Variants in SORCS3 observed in about 807,000 individuals in gnomAD.
SORCS3 encodes the protein VPS10 domain-containing receptor SorCS3.
SORCS3 carries 57 observed loss-of-function variants against 146.3 expected under a neutral mutation model. The observed-to-expected ratio is 0.39, with a 90% CI of 0.31 to 0.49. The LOEUF is 0.49. SORCS3 is among the 20% of genes least tolerant of loss of function. The pLI, the probability that SORCS3 is intolerant of heterozygous loss-of-function variation, is 0.92. For missense variants in SORCS3, 1,341 were observed against 1,575.5 expected, an observed-to-expected ratio of 0.85 and a Z score of 2.52; for synonymous variants, 653 against 618.5, an observed-to-expected ratio of 1.06 and a Z score of -0.83.
At chr10:104,761,254 C>A (rs760577664) in intron 1 of SORCS3, among the ~76,000 whole-genome samples, 24 of 152,146 alleles carry the variant, frequency 1.6e-4, no homozygotes, top group Admixed American at 3.3e-4. Context: ...ACTACAGTGG[C>A]ATTTTAATGG....
intron 8 of SORCS3, among the ~76,000 whole-genome samples, chr10:105,146,454 A>T (rs1458516075): frequency 6.6e-6 from 1 of 152,094 alleles, no homozygotes. Context: ...TCAGTATGTA[A>T]GTGGCGGACC....
chr10:105,037,442 G>A (rs1334138112), intron 4 of SORCS3, among the ~76,000 whole-genome samples: 1 of 152,090 alleles, frequency 6.6e-6, no homozygotes, highest in Non-Finnish European at 1.5e-5. Flanking sequence ...GGCAGGTGGG[G>A]GCTATGCTCC....
intron 1 of SORCS3, among the ~76,000 whole-genome samples, chr10:104,677,255 T>C (rs1487890354): frequency 6.6e-6 from 1 of 152,236 alleles, no homozygotes; most frequent in Non-Finnish European, 1.5e-5. Context: ...TGCTCCCCTG[T>C]TGCCTGAGCT....
Position 104,893,398 on chromosome 10 carries a change from G to A in SORCS3, c.696-22435G>A, listed in dbSNP as rs1373799899. Among the ~76,000 whole-genome samples, 4 of 152,286 alleles carry A rather than the reference G, an allele frequency of 2.6e-5. No individual in the cohort carries two copies. In the East Asian group the frequency reaches 7.7e-4, roughly 29 times the overall value. On this transcript the variant is annotated intron_variant, in intron 2 of 26. Transcript: ENST00000369701. ...CTCATTCTGAGTATAGAATGACCAA[G>A]AACAATGGCCTCTTCTGTCCACTCC...
chr10:104,664,959 C>G (rs756702571), intron 1 of SORCS3: 1 of 152,682 alleles, frequency 6.5e-6, no homozygotes, highest in East Asian at 1.9e-4. Flanking sequence ...GGAGGACATT[C>G]CTGGTCAAGG....
chr10:105,019,649 T>A (rs368505786), intron 4 of SORCS3, among the ~76,000 whole-genome samples: 11 of 152,336 alleles, frequency 7.2e-5, no homozygotes, highest in Admixed American at 3.9e-4. Context: ...GCGTGGCTAT[T>A]TATCAAGTGT....
At chr10:104,966,108 C>T (rs2054824965) in intron 3 of SORCS3, among the ~76,000 whole-genome samples, 1 of 151,880 alleles carries the variant, frequency 6.6e-6, no homozygotes, top group South Asian at 2.1e-4. Context: ...TGTGTTTTGT[C>T]ACATGTTTTA....
intron 1 of SORCS3, among the ~76,000 whole-genome samples, chr10:104,743,026 C>T (rs1335686091): frequency 6.6e-6 from 1 of 152,102 alleles, no homozygotes; most frequent in Non-Finnish European, 1.5e-5. Context: ...TATGCATTAC[C>T]TTTTAAAAAA....
chr10:105,174,315 CT>C (rs2056382385), intron 13 of SORCS3, among the ~76,000 whole-genome samples: 1 of 152,096 alleles, frequency 6.6e-6, no homozygotes, highest in African/African-American at 2.4e-5. Flanking sequence ...GTTCCTTTGT[CT>C]TGGCCATTAA....
At chr10:105,117,353 A>G (rs1230059200) in intron 7 of SORCS3, among the ~76,000 whole-genome samples, 1 of 152,162 alleles carries the variant, frequency 6.6e-6, no homozygotes, top group East Asian at 1.9e-4. Flanking sequence ...AATGACTCTC[A>G]AATATTTCTT....
At chr10:104,684,992 A>G (rs895734519) in intron 1 of SORCS3, among the ~76,000 whole-genome samples, 1 of 151,272 alleles carries the variant, frequency 6.6e-6, no homozygotes, top group Non-Finnish European at 1.5e-5. Context: ...TAATTTTTGT[A>G]TTTTTAGTAG....
At chr10:105,091,013 A>G (rs913839325) in intron 6 of SORCS3, among the ~76,000 whole-genome samples, 21 of 152,106 alleles carry the variant, frequency 1.4e-4, no homozygotes, top group African/African-American at 5.1e-4. Context: ...TTTATTTTTA[A>G]AAGAGTTAGA....
intron 26 of SORCS3, 67 bp from the exon 27 acceptor site, chr10:105,263,243 T>C: frequency 6.5e-7 from 1 of 1,526,770 alleles, no homozygotes; most frequent in Non-Finnish European, 9.1e-7. Context: ...TAGCAGTGAA[T>C]AAAACTAAGA....
chr10:105,133,225 C>A (rs1038599491), intron 7 of SORCS3, among the ~76,000 whole-genome samples: 4 of 152,218 alleles, frequency 2.6e-5, no homozygotes, highest in African/African-American at 4.8e-5. Flanking sequence ...AGGAACCAGG[C>A]AGGAGTTGAG....
At chr10:105,001,154 C>A (rs2133672661) in intron 4 of SORCS3, among the ~76,000 whole-genome samples, 1 of 152,214 alleles carries the variant, frequency 6.6e-6, no homozygotes, top group Admixed American at 6.5e-5. Flanking sequence ...CTCAGCTTTA[C>A]AGATAATGTT....
chr10:104,909,262 A>C (rs1428563789), intron 2 of SORCS3, among the ~76,000 whole-genome samples: 2 of 152,152 alleles, frequency 1.3e-5, no homozygotes, highest in Non-Finnish European at 2.9e-5. Context: ...AAGTTTGCCA[A>C]CCTGAGCTAG....
intron 1 of SORCS3, among the ~76,000 whole-genome samples, chr10:104,655,847 A>C (rs1285338552): frequency 6.6e-6 from 1 of 152,180 alleles, no homozygotes; most frequent in Non-Finnish European, 1.5e-5. Context: ...CATGATTGGA[A>C]GTTTCCTGAG....
intron 6 of SORCS3, 77 bp downstream of exon 6, chr10:105,089,916 A>T: frequency 8.7e-7 from 1 of 1,151,048 alleles, no homozygotes. Flanking sequence ...TTGCATTTTA[A>T]TATCTTGGGA....
intron 2 of SORCS3, among the ~76,000 whole-genome samples, chr10:104,903,575 G>A (rs1418926750): frequency 6.6e-6 from 1 of 152,154 alleles, no homozygotes; most frequent in East Asian, 1.9e-4. Context: ...AATAAAAAAA[G>A]GCATGTTGTA....
Sources: gnomAD v4.1 joint callset for allele counts (sites outside exome capture counted in the v4.1 genomes callset) on GRCh38, gnomAD v4.1.1 for gene constraint, MANE v1.5 for transcripts, NCBI Gene and HGNC (gene_info 2026-07-23, HGNC 2026-07-21) for gene names.